RCAN2: variants seen among roughly 807,000 people sequenced by gnomAD.
RCAN2 encodes calcipressin-2.
In RCAN2, 9 loss-of-function variants were observed where a neutral mutation model predicts 23.6. The ratio of observed to expected loss-of-function variants is 0.38; its 90% confidence interval spans 0.23 to 0.67. The LOEUF (loss-of-function observed/expected upper bound fraction) is 0.67. RCAN2 is among the 30% of genes least tolerant of loss of function. The pLI, the probability that RCAN2 is intolerant of heterozygous loss-of-function variation, is 0.51. For missense variants in RCAN2, 273 were observed against 302.3 expected (o/e 0.90, Z 0.72); for synonymous variants, 109 against 115.7 (o/e 0.94, Z 0.37).
At chr6:46,462,190 A>G (rs1338741728) in intron 1 of RCAN2, among the ~76,000 whole-genome samples, 1 of 152,212 alleles carries the variant, frequency 6.6e-6, no homozygotes, top group Middle Eastern at 3.2e-3. Flanking sequence ...CAGCTTGAAT[A>G]TTTGGTATGA....
chr6:46,388,338 T>C (rs1019652882), intron 2 of RCAN2, among the ~76,000 whole-genome samples: 2 of 152,016 alleles, frequency 1.3e-5, no homozygotes, highest in Non-Finnish European at 2.9e-5. Flanking sequence ...ATATGAACAC[T>C]TTTACACTGT....
At chr6:46,268,751 G>C (rs949952072) in intron 2 of RCAN2, among the ~76,000 whole-genome samples, 1 of 152,112 alleles carries the variant, frequency 6.6e-6, no homozygotes, top group Non-Finnish European at 1.5e-5. Context: ...TGAGATCCTG[G>C]CCTTGTTTTG....
chr6:46,386,866 A>C (rs1047139608), intron 2 of RCAN2, among the ~76,000 whole-genome samples: 6 of 152,212 alleles, frequency 3.9e-5, no homozygotes, highest in African/African-American at 1.4e-4. Flanking sequence ...ACAAGGCCAC[A>C]GTAACCAAAA....
At chr6:46,397,591 A>G (rs1409903839) in intron 2 of RCAN2, among the ~76,000 whole-genome samples, 3 of 152,228 alleles carry the variant, frequency 2.0e-5, no homozygotes, top group African/African-American at 4.8e-5. Flanking sequence ...GTATACATCT[A>G]TAATTATTTT....
rs371934904 is a variant in RCAN2 at position 46,358,584 on chromosome 6, T to C, written c.225+98168A>G. Among the ~76,000 whole-genome samples the C allele has an allele frequency of 2.6e-5, 4 of 152,304 alleles. No individual in the cohort carries two copies. In the South Asian group the frequency reaches 6.2e-4, roughly 24 times the overall value. ...CATCTATAAAGTGAGAGCGCTACAC[T>C]TGATGAGTGACTCTCAACCTCCCCA... On this transcript the variant is annotated intron_variant, in intron 2 of 4. Coordinates refer to ENST00000371374, the MANE Select transcript of RCAN2 (RefSeq NM_001251974.2).
intron 2 of RCAN2, among the ~76,000 whole-genome samples, chr6:46,256,382 T>TAAATA (rs78198715): frequency 0.019 from 2,779 of 147,848 alleles, 90 homozygotes; most frequent in African/African-American, 0.06. Context: ...AAAAGAAAAA[T>TAAATA]AAATAAAATA....
intron 2 of RCAN2, among the ~76,000 whole-genome samples, chr6:46,420,139 G>A (rs1766835594): frequency 6.6e-6 from 1 of 151,346 alleles, no homozygotes; most frequent in African/African-American, 2.4e-5. Context: ...CAGATAAACA[G>A]AGTACAGATT....
At chr6:46,327,741 G>T (rs193059866) in intron 2 of RCAN2, among the ~76,000 whole-genome samples, 243 of 152,316 alleles carry the variant, frequency 1.6e-3, no homozygotes, top group African/African-American at 5.5e-3. Flanking sequence ...TCTCTGAAAA[G>T]AAACATTTCA....
Position 46,244,812 on chromosome 6 carries a change from G to C in RCAN2, c.571+1936C>G, listed in dbSNP as rs148813312. Among the ~76,000 whole-genome samples, 554 of 152,324 alleles carry C rather than the reference G, an allele frequency of 3.6e-3. 3 individuals carry two copies. Among genetic ancestry groups the C allele is most frequent in the Non-Finnish European group, 6.1e-3 (415 of 68,030 alleles). ...GCCAAGACCTTAGTGATTCTATAAA[G>C]AGCTCTGTTTGCTGACATTCAAAAC... On this transcript the variant is annotated intron_variant, in intron 4 of 4. Transcript: ENST00000371374.
intron 2 of RCAN2, among the ~76,000 whole-genome samples, chr6:46,356,699 A>G (rs1468291709): frequency 6.6e-6 from 1 of 152,204 alleles, no homozygotes; most frequent in Non-Finnish European, 1.5e-5. Context: ...TGGGAGGCTC[A>G]GAGAACGAAG....
intron 2 of RCAN2, among the ~76,000 whole-genome samples, chr6:46,362,837 C>A (rs1765056019): frequency 1.3e-5 from 2 of 152,168 alleles, no homozygotes; most frequent in Non-Finnish European, 2.9e-5. Flanking sequence ...CTCCTGCATA[C>A]CCATGGAAAA....
intron 2 of RCAN2, among the ~76,000 whole-genome samples, chr6:46,289,608 C>T (rs1353780643): frequency 2.0e-5 from 3 of 152,132 alleles, no homozygotes; most frequent in Non-Finnish European, 4.4e-5. Context: ...CTCATTCCCA[C>T]CAAGCATCTA....
intron 4 of RCAN2, among the ~76,000 whole-genome samples, chr6:46,237,757 T>A (rs1460563163): frequency 6.6e-6 from 1 of 152,230 alleles, no homozygotes; most frequent in African/African-American, 2.4e-5. Context: ...GTAACAAATA[T>A]GCTATGCGCT....
intron 2 of RCAN2, among the ~76,000 whole-genome samples, chr6:46,359,211 C>A (rs1173117370): frequency 6.6e-6 from 1 of 152,162 alleles, no homozygotes; most frequent in African/African-American, 2.4e-5. Context: ...AGGTGCCCAA[C>A]CTTGACACTG....
intron 2 of RCAN2, among the ~76,000 whole-genome samples, chr6:46,265,497 A>T (rs969528104): frequency 1.3e-5 from 2 of 152,182 alleles, no homozygotes; most frequent in African/African-American, 4.8e-5. Flanking sequence ...TAGGATGACT[A>T]CACAATGCGT....
At chr6:46,403,511 A>G (rs892449042) in intron 2 of RCAN2, among the ~76,000 whole-genome samples, 2 of 151,158 alleles carry the variant, frequency 1.3e-5, no homozygotes, top group African/African-American at 4.9e-5. Flanking sequence ...GGTGGAGGTT[A>G]TAGTGAGCCA....
intron 2 of RCAN2, among the ~76,000 whole-genome samples, chr6:46,299,791 AG>A (rs201707862): frequency 0.011 from 1,719 of 152,068 alleles, 36 homozygotes; most frequent in African/African-American, 0.039. Context: ...TAAATATAAA[AG>A]TTCTTATAAT....
chr6:46,297,038 G>T (rs184976780), intron 2 of RCAN2, among the ~76,000 whole-genome samples: 7 of 152,054 alleles, frequency 4.6e-5, no homozygotes, highest in African/African-American at 9.7e-5. Flanking sequence ...CTTCTAAAAT[G>T]TTTTTCCTCA....
intron 2 of RCAN2, among the ~76,000 whole-genome samples, chr6:46,430,688 C>T (rs781242640): frequency 6.6e-6 from 1 of 152,150 alleles, no homozygotes; most frequent in Non-Finnish European, 1.5e-5. Flanking sequence ...TATACATTCT[C>T]ACTGAGAAAT....
Sources: gnomAD v4.1 joint callset for allele counts (sites outside exome capture counted in the v4.1 genomes callset) on GRCh38, gnomAD v4.1.1 for gene constraint, MANE v1.5 for transcripts, NCBI Gene and HGNC (gene_info 2026-07-23, HGNC 2026-07-21) for gene names.